Variants in IFT57 observed in about 807,000 individuals in gnomAD.
IFT57 encodes the protein intraflagellar transport 57, also known as intraflagellar transport protein 57 homolog.
A neutral mutation model predicts 56.8 loss-of-function variants in IFT57; 59 were observed. The observed-to-expected ratio is 1.04, with a 90% CI of 0.84 to 1.29. The LOEUF (loss-of-function observed/expected upper bound fraction) is 1.29. Ranked by LOEUF, IFT57 falls within the 50% of genes most tolerant of loss-of-function variation. IFT57 has a pLI of 0.00. For missense variants in IFT57, 470 were observed against 522.1 expected (o/e 0.90, Z 0.97); for synonymous variants, 209 against 186.1 (o/e 1.12, Z -1.00).
chr3:108,172,451 T>C (rs531262035), intron 6 of IFT57, among the ~76,000 whole-genome samples: 2 of 151,982 alleles, frequency 1.3e-5, no homozygotes, highest in African/African-American at 4.8e-5. Flanking sequence ...CTATCAGATA[T>C]TTTTGGTTTC....
chr3:108,200,442 T>A (rs1451411902), intron 5 of IFT57, among the ~76,000 whole-genome samples: 1 of 151,292 alleles, frequency 6.6e-6, no homozygotes, highest in Non-Finnish European at 1.5e-5. Context: ...TTGCCAGGGG[T>A]AGGTGGTAAG....
rs141123913 is a variant in IFT57 at position 108,172,894 on chromosome 3, T to C, written c.778-5030A>G. ...GACATTCATGTATTTATAAAGCCCATTAAAGTGTTGAGCCAGTGATGATTT... is the reference window on the plus strand; with the variant it reads ...GACATTCATGTATTTATAAAGCCCACTAAAGTGTTGAGCCAGTGATGATTT... On this transcript the variant is annotated intron_variant, in intron 6 of 10. Transcript: ENST00000264538. Among the ~76,000 whole-genome samples the C allele has an allele frequency of 8.9e-3, 1,357 of 151,968 alleles. 8 individuals carry two copies. The highest frequency in any genetic ancestry group is 0.016 in the Non-Finnish European group (1,081 of 67,862).
At chr3:108,168,479 A>T (rs536886198) in intron 6 of IFT57, among the ~76,000 whole-genome samples, 1 of 151,924 alleles carries the variant, frequency 6.6e-6, no homozygotes, top group Non-Finnish European at 1.5e-5. Context: ...CAAAGTAATA[A>T]TTTTTTATTT....
intron 10 of IFT57, 42 bp from the exon 11 acceptor site, chr3:108,162,697 A>ACGCCT: frequency 2.7e-6 from 4 of 1,475,246 alleles, no homozygotes; most frequent in Non-Finnish European, 3.7e-6. Context: ...GTTCATTTGG[A>ACGCCT]GTATCAGTGT....
chr3:108,207,441 G>A (rs1434800493), intron 4 of IFT57, among the ~76,000 whole-genome samples: 3 of 152,184 alleles, frequency 2.0e-5, no homozygotes, highest in Non-Finnish European at 2.9e-5. Flanking sequence ...GTGGTGACAA[G>A]TGCCATAGTA....
At chr3:108,180,282 T>C (rs1192404019) in intron 6 of IFT57, among the ~76,000 whole-genome samples, 1 of 152,028 alleles carries the variant, frequency 6.6e-6, no homozygotes, top group African/African-American at 2.4e-5. Context: ...CCCTTTCATA[T>C]GGCCACATCG....
In IFT57 at chr3:108,162,379, C is replaced by T. The variant is rs904791739; in HGVS notation, c.*98G>A. On this transcript the variant is annotated 3_prime_UTR_variant, in exon 11 of 11. Coordinates refer to ENST00000264538, the MANE Select transcript of IFT57 (RefSeq NM_018010.4). ...GTGAGTATGTATATGTAAAAAAATA[C>T]CCATTGAACATAAAATTATGTTTTG... is the stretch of plus-strand genomic sequence containing the variant. 1.5e-5 allele frequency: 14 copies of T among 927,130 alleles called. No homozygotes were observed. The highest frequency in any genetic ancestry group is 2.3e-5 in the Non-Finnish European group (14 of 619,204). The allele number at this position is 927,130 out of a possible 1,614,324, so 57.4% of individuals were successfully genotyped here.
intron 7 of IFT57, 53 bp downstream of exon 7, chr3:108,167,740 G>A: frequency 8.3e-7 from 1 of 1,208,476 alleles, no homozygotes; most frequent in East Asian, 2.6e-5. Context: ...CTTATAACAG[G>A]TGTTCCACAG....
intron 6 of IFT57, among the ~76,000 whole-genome samples, chr3:108,172,140 GT>G (rs1450738437): frequency 6.6e-6 from 1 of 151,876 alleles, no homozygotes; most frequent in Non-Finnish European, 1.5e-5. Context: ...GTACACTGAT[GT>G]AAAACTCCAT....
At chr3:108,174,910 C>T (rs2080115675) in intron 6 of IFT57, among the ~76,000 whole-genome samples, 1 of 151,708 alleles carries the variant, frequency 6.6e-6, no homozygotes, top group Admixed American at 6.6e-5. Flanking sequence ...TATTGCAAGC[C>T]ACTGTGATTT....
In IFT57 at chr3:108,203,716, T is replaced by G. The variant is rs28576565; in HGVS notation, c.654+2912A>C. Among the ~76,000 whole-genome samples the G allele has an allele frequency of 4.6e-3, 697 of 152,296 alleles. 3 individuals are homozygous for G. The highest frequency in any genetic ancestry group is 0.016 in the African/African-American group (668 of 41,564). ...AAAAAAGCAGTGAAAAAGCTCCTGC[T>G]CCAGTGGAGTTTGCATTCCAGTGGT... On this transcript the variant is annotated intron_variant, in intron 5 of 10. Coordinates refer to ENST00000264538, the MANE Select transcript of IFT57 (RefSeq NM_018010.4).
chr3:108,191,040 C>T (rs1237194772), intron 6 of IFT57, among the ~76,000 whole-genome samples: 4 of 152,176 alleles, frequency 2.6e-5, no homozygotes, highest in Non-Finnish European at 4.4e-5. Flanking sequence ...ATTTGCCCAC[C>T]TCGGCCTCCC....
In IFT57 at chr3:108,186,452, T is replaced by A. The variant is rs148091258; in HGVS notation, c.777+5069A>T. 2.5e-3 allele frequency among the ~76,000 whole-genome samples: 379 copies of A among 152,050 alleles called. 1 individual carries two copies. The highest frequency in any genetic ancestry group is 6.7e-3 in the African/African-American group (278 of 41,482). ...GATGGAGATAAGTGCTTCCAAACCA[T>A]GCCAAACAATGAGGAGGAAGACGAA... On this transcript the variant is annotated intron_variant, in intron 6 of 10. Coordinates refer to ENST00000264538, the MANE Select transcript of IFT57 (RefSeq NM_018010.4).
chr3:108,215,351 C>G (rs921441466), intron 3 of IFT57, among the ~76,000 whole-genome samples: 1 of 151,918 alleles, frequency 6.6e-6, no homozygotes, highest in Non-Finnish European at 1.5e-5. Flanking sequence ...TGTCTGAGAC[C>G]AGGAGTTTGA....
chr3:108,210,194 C>T lies in IFT57; in HGVS notation c.586-3498G>A, dbSNP rs9872062. Among the ~76,000 whole-genome samples the T allele has an allele frequency of 4.9e-3, 739 of 151,906 alleles. 2 individuals carry two copies. The highest frequency in any genetic ancestry group is 0.016 in the African/African-American group (674 of 41,406). On this transcript the variant is annotated intron_variant, in intron 4 of 10. Coordinates refer to ENST00000264538, the MANE Select transcript of IFT57 (RefSeq NM_018010.4). ...TATGGATATGATTACATACAATAGGCGGGAATATTTTGTGTTATGACCCCA... is the reference window on the plus strand; with the variant it reads ...TATGGATATGATTACATACAATAGGTGGGAATATTTTGTGTTATGACCCCA...
intron 6 of IFT57, among the ~76,000 whole-genome samples, chr3:108,171,238 C>A (rs994268515): frequency 6.6e-6 from 1 of 151,908 alleles, no homozygotes; most frequent in South Asian, 2.1e-4. Context: ...CCAGTCTCAC[C>A]CTTGTCATTT....
At position 108,160,894 on chromosome 3, in the gene IFT57, T is replaced by C. The variant is rs1237003790; in HGVS notation, c.*1583A>G. 1 of 152,216 alleles carries C rather than the reference T, an allele frequency of 6.6e-6. No homozygotes were observed. Among genetic ancestry groups the C allele is most frequent in the Non-Finnish European group, 1.5e-5 (1 of 68,032 alleles). The allele number at this position is 152,216 out of a possible 1,614,324, so 9.4% of individuals were successfully genotyped here. ...AGCACAGAACCCAAGCTGAGTTAACTGGAATATTTCAGAGAAGGAAGTAAA... is the reference window on the plus strand; with the variant it reads ...AGCACAGAACCCAAGCTGAGTTAACCGGAATATTTCAGAGAAGGAAGTAAA... On this transcript the variant is annotated 3_prime_UTR_variant, in exon 11 of 11. Transcript: ENST00000264538.
chr3:108,185,924 T>G lies in IFT57; in HGVS notation c.777+5597A>C, dbSNP rs2108315538. 1.3e-5 allele frequency among the ~76,000 whole-genome samples: 2 copies of G among 152,234 alleles called. 1 individual carries two copies. Among genetic ancestry groups the G allele is most frequent in the South Asian group, 4.1e-4 (2 of 4,828 alleles). On this transcript the variant is annotated intron_variant, in intron 6 of 10. Coordinates refer to ENST00000264538, the MANE Select transcript of IFT57 (RefSeq NM_018010.4). ...TGGAAGTACCTTGTTAGTAAGGGACTGCCCTTTAAAGTTTTTTGATATCGG... is the reference window on the plus strand; with the variant it reads ...TGGAAGTACCTTGTTAGTAAGGGACGGCCCTTTAAAGTTTTTTGATATCGG...
Position 108,222,334 on chromosome 3 carries a change from C to A in IFT57, c.-12G>T. The A allele has an allele frequency of 6.3e-7, 1 of 1,599,598 alleles. No homozygotes were observed. Among genetic ancestry groups the A allele is most frequent in the Non-Finnish European group, 8.5e-7 (1 of 1,172,326 alleles). On this transcript the variant is annotated 5_prime_UTR_variant, in exon 1 of 11. Transcript: ENST00000264538. ...AGAGCAGCAGTCATCGCAGAACGGA[C>A]AGAGTCCAGCGTGGGCTCAGGCCCA...
Sources: gnomAD v4.1 joint callset for allele counts (sites outside exome capture counted in the v4.1 genomes callset) on GRCh38, gnomAD v4.1.1 for gene constraint, MANE v1.5 for transcripts, NCBI Gene and HGNC (gene_info 2026-07-23, HGNC 2026-07-21) for gene names.